Variants in PLEKHM2 observed in about 807,000 individuals in gnomAD.
PLEKHM2 encodes the protein pleckstrin homology and RUN domain containing M2.
A neutral mutation model predicts 116.3 loss-of-function variants in PLEKHM2; 77 were observed. That is an observed-to-expected ratio of 0.66 (90% CI 0.55 to 0.80). The LOEUF (loss-of-function observed/expected upper bound fraction) is 0.80. Among genes scored for constraint, PLEKHM2 ranks in the 30% least tolerant of loss-of-function variants. PLEKHM2 has a pLI of 0.00. For synonymous variants in PLEKHM2, 562 were observed against 571.0 expected (o/e 0.98, Z 0.22); for missense variants, 1,183 against 1,354.9 (o/e 0.87, Z 1.99).
chr1:15,718,518 T>C lies in PLEKHM2; in HGVS notation c.378-20T>C. 5 of 1,485,076 alleles carry C rather than the reference T, an allele frequency of 3.4e-6. No individual in the cohort carries two copies. The highest frequency in any genetic ancestry group is 4.6e-6 in the Non-Finnish European group (5 of 1,083,142). The allele number at this position is 1,485,076 out of a possible 1,614,324, so 92.0% of individuals were successfully genotyped here. On this transcript the variant is annotated intron_variant, in intron 4 of 19. Transcript: ENST00000375799. ...GTAAACAGACCCAGAGGCACCATCG[T>C]GGCTTCTCATGTCTTGCAGGAATGC...
At chr1:15,689,625 A>G (rs1640847784) in intron 1 of PLEKHM2, among the ~76,000 whole-genome samples, 1 of 152,192 alleles carries the variant, frequency 6.6e-6, no homozygotes. Flanking sequence ...ATATGAGAGA[A>G]CACACTTACA....
At chr1:15,692,770 G>A (rs1640913846) in intron 1 of PLEKHM2, among the ~76,000 whole-genome samples, 2 of 151,886 alleles carry the variant, frequency 1.3e-5, no homozygotes, top group African/African-American at 2.4e-5. Context: ...ATGGAGTTTT[G>A]CTCTTGTTAC....
intron 1 of PLEKHM2, among the ~76,000 whole-genome samples, chr1:15,690,114 T>TGGA (rs1333260266): frequency 6.6e-6 from 1 of 151,612 alleles, no homozygotes; most frequent in Non-Finnish European, 1.5e-5. Flanking sequence ...TCACCCAGAC[T>TGGA]GGAGTGCAGT....
Position 15,727,187 on chromosome 1 carries a change from C to T in PLEKHM2, c.1115C>T (p.Pro372Leu), listed in dbSNP as rs199741495. The T allele has an allele frequency of 2.0e-4, 316 of 1,605,764 alleles. No individual in the cohort carries two copies. The highest frequency in any genetic ancestry group is 2.4e-4 in the Non-Finnish European group (278 of 1,176,484). ...RDSPDTMLASPQEEGEGPSST... is the reference protein window; with the variant it reads ...RDSPDTMLASLQEEGEGPSST... ...TCGCCAGACACTATGCTTGCCTCCC[C>T]CCAGGAGGAGGGAGAGGGGCCGAGC... The change falls in exon 9 of 20, where the codon CCC becomes CTC. Residue 372 changes from proline (P) to leucine (L), a missense_variant. Physicochemically the swap from Pro to Leu is moderately conservative, Grantham distance 98. This residue lies in a region of PLEKHM2 where 372 missense variants were observed against 357.2 expected (regional missense o/e 1.04). Coordinates refer to ENST00000375799, the MANE Select transcript of PLEKHM2 (RefSeq NM_015164.4). This position sits in a 1 kb window ranked among gnomAD's most constrained non-coding sequence, Gnocchi z 7.5.
chr1:15,688,623 G>A (rs1001652248), intron 1 of PLEKHM2, among the ~76,000 whole-genome samples: 3 of 148,220 alleles, frequency 2.0e-5, no homozygotes, highest in East Asian at 2.0e-4. Context: ...GCACTCCAGC[G>A]TGGGTGACAG....
intron 14 of PLEKHM2, 129 bp from the exon 15 acceptor site, chr1:15,730,403 C>A: frequency 1.4e-6 from 1 of 699,566 alleles, no homozygotes; most frequent in African/African-American, 1.8e-5. Context: ...GATCACACCA[C>A]TGCAGTCCAG....
In PLEKHM2 at chr1:15,728,838, G is replaced by C; in HGVS notation, c.1986+105G>C. 1 of 1,099,024 alleles carries C rather than the reference G, an allele frequency of 9.1e-7. No homozygotes were observed. The highest frequency in any genetic ancestry group is 1.3e-6 in the Non-Finnish European group (1 of 742,014). 68.1% of individuals were successfully genotyped at this position (1,099,024 alleles called of 1,614,324 possible). A position where few individuals can be genotyped will look rare whatever the true frequency, so the allele number is the denominator to read the frequency against. ...AGGCACGGCCCCTTACTCCCCTCCC[G>C]GGGTTGGGCACCAACTTAACTCTCA... On this transcript the variant is annotated intron_variant, in intron 12 of 19. Transcript: ENST00000375799. The surrounding 1 kb of genome is among the most constrained non-coding windows in gnomAD (Gnocchi z 5.9).
chr1:15,733,682 G>A, intron 19 of PLEKHM2, 115 bp from the exon 20 acceptor site: 9 of 1,084,380 alleles, frequency 8.3e-6, no homozygotes, highest in Non-Finnish European at 9.4e-6. Flanking sequence ...GAGAGATGGG[G>A]AGGGCCTGAC....
At chr1:15,692,481 C>G (rs750408835) in intron 1 of PLEKHM2, among the ~76,000 whole-genome samples, 1 of 152,166 alleles carries the variant, frequency 6.6e-6, no homozygotes. Flanking sequence ...GTCCCTAACC[C>G]GGAAACCATG....
chr1:15,727,933 C>A lies in PLEKHM2; in HGVS notation c.1760+101C>A. On this transcript the variant is annotated intron_variant, in intron 9 of 19. Transcript: ENST00000375799. The surrounding 1 kb of genome is among the most constrained non-coding windows in gnomAD (Gnocchi z 7.5). ...TAAATTAAGCACTAGGAAGACCTAG[C>A]CTGAGTGAGAAGGGGTGTGAGCCTC... is the stretch of plus-strand genomic sequence containing the variant. 8.2e-7 allele frequency: 1 copy of A among 1,220,384 alleles called. No individual in the cohort carries two copies. Among genetic ancestry groups the A allele is most frequent in the Non-Finnish European group, 1.2e-6 (1 of 857,814 alleles). The allele number at this position is 1,220,384 out of a possible 1,614,324, so 75.6% of individuals were successfully genotyped here.
intron 1 of PLEKHM2, among the ~76,000 whole-genome samples, chr1:15,690,138 T>C (rs552692130): frequency 2.9e-4 from 44 of 151,184 alleles, no homozygotes; most frequent in Admixed American, 7.3e-4. Context: ...ATGATCTTGG[T>C]TCACTGCAAC....
intron 19 of PLEKHM2, among the ~76,000 whole-genome samples, chr1:15,732,974 C>T (rs1330513346): frequency 6.6e-6 from 1 of 152,244 alleles, no homozygotes; most frequent in East Asian, 1.9e-4. Flanking sequence ...GGCTGGGAGC[C>T]CGAGGCCCTC....
intron 4 of PLEKHM2, 67 bp downstream of exon 4, chr1:15,718,059 C>T: frequency 1.0e-6 from 1 of 998,120 alleles, no homozygotes; most frequent in South Asian, 1.4e-5. Context: ...CCCAAAGGCT[C>T]TTGTCATGCA....
Position 15,732,634 on chromosome 1 carries a change from A to G in PLEKHM2, c.2828A>G (p.Gln943Arg), listed in dbSNP as rs761674764. The G allele has an allele frequency of 1.2e-5, 20 of 1,605,408 alleles. No homozygotes were observed. The highest frequency in any genetic ancestry group is 1.7e-5 in the Non-Finnish European group (20 of 1,176,194). The change falls in exon 19 of 20, where the codon CAG becomes CGG. Residue 943 changes from glutamine (Q) to arginine (R), a missense_variant. By Grantham distance (43) the Gln-to-Arg change is conservative. This residue lies in a region of PLEKHM2 where 594 missense variants were observed against 720.1 expected (regional missense o/e 0.82). Coordinates refer to ENST00000375799, the MANE Select transcript of PLEKHM2 (RefSeq NM_015164.4). ...CVLEFSQDSQ[Q>R]LLPPWVIYLS... Reference sequence around the variant, plus strand: ...TAGGAGTTCTCCCAGGACAGCCAGCAGCTCCTCCCGCCCTGGGTCATCTAC... The same window carrying G: ...TAGGAGTTCTCCCAGGACAGCCAGCGGCTCCTCCCGCCCTGGGTCATCTAC...
chr1:15,729,888 C>T lies in PLEKHM2; in HGVS notation c.2167C>T (p.Leu723=). ...CCTGACGGATGCCACCATGGAGAAG[C>T]TGGCACTGGCCAAATTTGTGGCCCA... is the stretch of plus-strand genomic sequence containing the variant. The part of the protein sequence containing the change: ...SILTDATMEK[L]ALAKFVAQES... Residue 723 remains leucine (L), a synonymous_variant, in exon 14 of 20, where the codon CTG becomes TTG. Coordinates refer to ENST00000375799, the MANE Select transcript of PLEKHM2 (RefSeq NM_015164.4). This position sits in a 1 kb window ranked among gnomAD's most constrained non-coding sequence, Gnocchi z 4.7. The T allele has an allele frequency of 6.2e-7, 1 of 1,613,056 alleles. No individual in the cohort carries two copies. Among genetic ancestry groups the T allele is most frequent in the Non-Finnish European group, 8.5e-7 (1 of 1,179,586 alleles).
Position 15,734,041 on chromosome 1 carries a change from T to C in PLEKHM2, c.*107T>C. ...CTGTCGGGAGCCTACAGTCCACCCC[T>C]GCCCTGGGCGGCAGAACCACCGAGT... On this transcript the variant is annotated 3_prime_UTR_variant, in exon 20 of 20. Transcript: ENST00000375799. 1.6e-6 allele frequency: 2 copies of C among 1,285,838 alleles called. No homozygotes were observed. The highest frequency in any genetic ancestry group is 2.1e-6 in the Non-Finnish European group (2 of 954,086). 79.7% of individuals were successfully genotyped at this position (1,285,838 alleles called of 1,614,324 possible). A position where few individuals can be genotyped will look rare whatever the true frequency, so the allele number is the denominator to read the frequency against.
intron 1 of PLEKHM2, among the ~76,000 whole-genome samples, chr1:15,692,608 T>C (rs1442154845): frequency 6.6e-6 from 1 of 152,194 alleles, no homozygotes; most frequent in African/African-American, 2.4e-5. Flanking sequence ...TTTTCGTTTT[T>C]TGGTTTTTTT....
chr1:15,707,080 C>T lies in PLEKHM2; in HGVS notation c.61-9157C>T, dbSNP rs1478612394. 4.0e-5 allele frequency among the ~76,000 whole-genome samples: 6 copies of T among 150,078 alleles called. 1 individual carries two copies. The South Asian group carries it at 8.4e-4, about 21-fold the overall frequency. On this transcript the variant is annotated intron_variant, in intron 1 of 19. Transcript: ENST00000375799. ...AATAGTTCAGGCTGTACAGGCCATG[C>T]GGTCTCTGAGACAAACTCCGTCTCA...
intron 1 of PLEKHM2, among the ~76,000 whole-genome samples, chr1:15,698,878 A>G (rs920886085): frequency 6.6e-6 from 1 of 152,070 alleles, no homozygotes; most frequent in Non-Finnish European, 1.5e-5. Flanking sequence ...AACTAGCCTC[A>G]TTGTTTTTGA....
Sources: gnomAD v4.1 joint callset for allele counts (sites outside exome capture counted in the v4.1 genomes callset) on GRCh38, gnomAD v4.1.1 for gene constraint, gnomAD v4.1.1 regional missense constraint, Gnocchi (gnomAD v3.1) non-coding constraint, MANE v1.5 for transcripts, NCBI Gene and HGNC (gene_info 2026-07-23, HGNC 2026-07-21) for gene names.